Variants in ADAMTSL1 observed in about 807,000 individuals in gnomAD.
The protein encoded by ADAMTSL1 is ADAMTS like 1.
In ADAMTSL1, 126 loss-of-function variants were observed where a neutral mutation model predicts 201.8. The observed-to-expected ratio is 0.62, with a 90% confidence interval of 0.54 to 0.72. ADAMTSL1 has a LOEUF of 0.72. Ranked by LOEUF, ADAMTSL1 falls within the 30% of genes least tolerant of loss-of-function variation. ADAMTSL1 has a pLI of 0.00. For missense variants in ADAMTSL1, 2,679 were observed against 2,277.8 expected, an observed-to-expected ratio of 1.18 and a Z score of -3.59; for synonymous variants, 1,121 against 903.4, an observed-to-expected ratio of 1.24 and a Z score of -4.32.
intron 2 of ADAMTSL1, among the ~76,000 whole-genome samples, chr9:18,417,281 A>G (rs1054466463): frequency 6.6e-5 from 10 of 151,846 alleles, no homozygotes; most frequent in African/African-American, 1.9e-4. Context: ...GTTAGTAAAG[A>G]AAAAAGGTCT....
At chr9:18,515,723 G>C (rs1357398545) in intron 2 of ADAMTSL1, among the ~76,000 whole-genome samples, 1 of 152,276 alleles carries the variant, frequency 6.6e-6, no homozygotes. Flanking sequence ...ATACAAGCAT[G>C]TCAAGATGTA....
At chr9:18,307,228 C>G (rs56974885) in intron 2 of ADAMTSL1, among the ~76,000 whole-genome samples, 4,741 of 152,030 alleles carry the variant, frequency 0.031, 263 homozygotes, top group African/African-American at 0.11. Context: ...ATAGTACCAG[C>G]CACTGCAAAA....
chr9:18,721,509 T>C, intron 14 of ADAMTSL1, 27 bp from the exon 15 acceptor site: 1 of 1,612,120 alleles, frequency 6.2e-7, no homozygotes, highest in Non-Finnish European at 8.5e-7. Flanking sequence ...CTTTGCACTC[T>C]GGCCTGACCG....
At chr9:18,616,972 T>C (rs1429199695) in intron 4 of ADAMTSL1, among the ~76,000 whole-genome samples, 1 of 152,204 alleles carries the variant, frequency 6.6e-6, no homozygotes, top group Admixed American at 6.5e-5. Flanking sequence ...CTGTTACCCA[T>C]AAAGTTCTAT....
chr9:17,924,632 G>A (rs1432497205), intron 1 of ADAMTSL1, among the ~76,000 whole-genome samples: 1 of 148,346 alleles, frequency 6.7e-6, no homozygotes, highest in Non-Finnish European at 1.5e-5. Flanking sequence ...AAATGGTGCT[G>A]GGAAAACTGG....
At chr9:18,697,567 G>T (rs1360570090) in intron 13 of ADAMTSL1, among the ~76,000 whole-genome samples, 1 of 152,136 alleles carries the variant, frequency 6.6e-6, no homozygotes, top group Non-Finnish European at 1.5e-5. Context: ...ATAATGAGTT[G>T]TATATGTAAA....
intron 19 of ADAMTSL1, among the ~76,000 whole-genome samples, chr9:18,782,049 T>G (rs926512276): frequency 6.6e-6 from 1 of 152,226 alleles, no homozygotes; most frequent in Non-Finnish European, 1.5e-5. Context: ...TAGTGTGTTA[T>G]GACTGGCTGG....
intron 16 of ADAMTSL1, among the ~76,000 whole-genome samples, chr9:18,766,148 A>G (rs1820351316): frequency 1.3e-5 from 2 of 152,230 alleles, no homozygotes; most frequent in Admixed American, 1.3e-4. Flanking sequence ...GCTCTGCTAT[A>G]CATTCACCTA....
intron 2 of ADAMTSL1, among the ~76,000 whole-genome samples, chr9:18,247,638 T>C (rs989698278): frequency 1.3e-5 from 2 of 152,176 alleles, no homozygotes; most frequent in African/African-American, 4.8e-5. Context: ...AATCTGGTGG[T>C]CCGAGAAGGT....
chr9:18,026,213 C>T (rs1331636509), intron 1 of ADAMTSL1, among the ~76,000 whole-genome samples: 1 of 151,928 alleles, frequency 6.6e-6, no homozygotes, highest in Non-Finnish European at 1.5e-5. Context: ...TCTCTTGCCT[C>T]ATTGCTCTGG....
At chr9:18,545,360 C>G (rs1299065682) in intron 3 of ADAMTSL1, among the ~76,000 whole-genome samples, 1 of 152,054 alleles carries the variant, frequency 6.6e-6, no homozygotes, top group Non-Finnish European at 1.5e-5. Flanking sequence ...TTCACCATAA[C>G]ACCAGGAGCT....
intron 23 of ADAMTSL1, among the ~76,000 whole-genome samples, chr9:18,842,249 G>A (rs143279164): frequency 0.046 from 6,943 of 152,036 alleles, 182 homozygotes; most frequent in South Asian, 0.093. Context: ...CTTTGTTCTC[G>A]TTGGTTTCAA....
At chr9:18,425,878 A>AAAAAG (rs1819194299) in intron 2 of ADAMTSL1, among the ~76,000 whole-genome samples, 1 of 150,738 alleles carries the variant, frequency 6.6e-6, no homozygotes, top group Admixed American at 6.6e-5. Flanking sequence ...AAAAAAAAAA[A>AAAAAG]GACGTGTATA....
intron 23 of ADAMTSL1, among the ~76,000 whole-genome samples, chr9:18,863,403 G>C (rs576073177): frequency 2.0e-5 from 3 of 152,324 alleles, no homozygotes; most frequent in African/African-American, 7.2e-5. Flanking sequence ...GGGGTGAAGA[G>C]ACATTTGGGG....
At chr9:18,686,212 C>A (rs374234057) in intron 13 of ADAMTSL1, among the ~76,000 whole-genome samples, 1 of 152,152 alleles carries the variant, frequency 6.6e-6, no homozygotes, top group African/African-American at 2.4e-5. Flanking sequence ...TGAGCCACAG[C>A]GCCTGGCCCG....
intron 1 of ADAMTSL1, among the ~76,000 whole-genome samples, chr9:17,972,461 G>A (rs1464758154): frequency 6.6e-6 from 1 of 151,356 alleles, no homozygotes; most frequent in Non-Finnish European, 1.5e-5. Flanking sequence ...ATGGTTTCCA[G>A]TTTCATCCAT....
At chr9:18,007,635 A>G (rs1819882024) in intron 1 of ADAMTSL1, among the ~76,000 whole-genome samples, 1 of 152,004 alleles carries the variant, frequency 6.6e-6, no homozygotes, top group African/African-American at 2.4e-5. Context: ...CCATGTAATC[A>G]CTGCACTGGA....
chr9:18,781,527 C>T (rs898756566), intron 19 of ADAMTSL1, among the ~76,000 whole-genome samples: 3 of 152,166 alleles, frequency 2.0e-5, no homozygotes, highest in Admixed American at 6.5e-5. Flanking sequence ...TGTATCTGCA[C>T]AGATCATGCA....
At chr9:18,724,276 A>T (rs1587988777) in intron 15 of ADAMTSL1, among the ~76,000 whole-genome samples, 3 of 152,156 alleles carry the variant, frequency 2.0e-5, no homozygotes, top group Admixed American at 2.0e-4. Context: ...TTTTTCTTGT[A>T]TGTAGTCAGA....
Sources: allele counts gnomAD v4.1 joint callset (sites outside exome capture counted in the v4.1 genomes callset), GRCh38; gene constraint gnomAD v4.1.1; transcripts MANE v1.5; gene names NCBI Gene and HGNC (gene_info 2026-07-23, HGNC 2026-07-21).